Variants in KHSRP observed in about 807,000 individuals in gnomAD.
KHSRP encodes the protein far upstream element-binding protein 2.
Under a neutral mutation model 94.9 loss-of-function variants are expected in KHSRP, and 13 were observed. That is an observed-to-expected ratio of 0.14 (90% CI 0.09 to 0.22). The LOEUF (loss-of-function observed/expected upper bound fraction) is 0.22, where lower values mean the gene tolerates loss of function less well. KHSRP is among the 10% of genes least tolerant of loss of function. KHSRP has a pLI of 1.00. For synonymous variants in KHSRP, 495 were observed against 401.4 expected, an observed-to-expected ratio of 1.23 and a Z score of -2.79; for missense variants, 710 against 1,010.0, an observed-to-expected ratio of 0.70 and a Z score of 4.03.
chr19:6,423,338 G>A (rs1467824797), intron 1 of KHSRP, among the ~76,000 whole-genome samples: 4 of 152,182 alleles, frequency 2.6e-5, no homozygotes, highest in Admixed American at 6.5e-5. Flanking sequence ...TCTCAGACAC[G>A]TGAAGAGCAA....
Position 6,414,971 on chromosome 19 carries a change from C to A in KHSRP, c.*53G>T. The A allele has an allele frequency of 7.0e-7, 1 of 1,435,604 alleles. No individual in the cohort carries two copies. The highest frequency in any genetic ancestry group is 2.5e-5 in the East Asian group (1 of 39,950). 88.9% of individuals were successfully genotyped at this position (1,435,604 alleles called of 1,614,324 possible). ...CTGGACCCAGCGAATGCTTCCCTGG[C>A]GGTGCGTGGGGACTCCCGGAGACCT... is the stretch of plus-strand genomic sequence containing the variant. On this transcript the variant is annotated 3_prime_UTR_variant, in exon 19 of 19. Transcript: ENST00000600480.
At position 6,415,907 on chromosome 19, in the gene KHSRP, GAAGA is replaced by G. The variant is rs751094916; in HGVS notation, c.1599-15_1599-12del. The G allele has an allele frequency of 5.6e-5, 83 of 1,479,900 alleles. No individual in the cohort carries two copies. The highest frequency in any genetic ancestry group is 5.4e-4 in the East Asian group (23 of 42,284). 91.7% of individuals were successfully genotyped at this position (1,479,900 alleles called of 1,614,324 possible). ...GGGGGCCCCCCGGCACTGCAGGAGA[GAAGA>G]AAGGGATGCTTGAGCAGTGGTGCGG... is the stretch of plus-strand genomic sequence containing the variant. On this transcript the variant is annotated splice_polypyrimidine_tract_variant and intron_variant, in intron 15 of 18. Transcript: ENST00000600480.
rs2092131636 is a variant in KHSRP, at chr19:6,414,913, C to T, written c.*111G>A. The T allele has an allele frequency of 7.2e-7, 1 of 1,392,804 alleles. No individual in the cohort carries two copies. The highest frequency in any genetic ancestry group is 1.7e-5 in the South Asian group (1 of 59,820). 86.3% of individuals were successfully genotyped at this position (1,392,804 alleles called of 1,614,324 possible). ...CACGACAGCGGCACACAGGAACAAGCAGCCGGCGCAGGGAGGCCTCTTCGT... is the reference window on the plus strand; with the variant it reads ...CACGACAGCGGCACACAGGAACAAGTAGCCGGCGCAGGGAGGCCTCTTCGT... On this transcript the variant is annotated 3_prime_UTR_variant, in exon 19 of 19. Transcript: ENST00000600480.
In KHSRP at chr19:6,414,647, A is replaced by G. The variant is rs2092128430; in HGVS notation, c.*377T>C. 9.9e-7 allele frequency: 1 copy of G among 1,008,924 alleles called. No individual in the cohort carries two copies. Among genetic ancestry groups the G allele is most frequent in the Non-Finnish European group, 1.2e-6 (1 of 846,274 alleles). 62.5% of individuals were successfully genotyped at this position (1,008,924 alleles called of 1,614,324 possible). A position where few individuals can be genotyped will look rare whatever the true frequency, so the allele number is the denominator to read the frequency against. On this transcript the variant is annotated 3_prime_UTR_variant, in exon 19 of 19. Coordinates refer to ENST00000600480, the MANE Select transcript of KHSRP (RefSeq NM_001366299.1). ...CCCTGCCAGAGCCAGGCCGCCTGCA[A>G]CACAGTCACTTGGACACAGGAAAAA...
chr19:6,413,152 G>A lies in KHSRP; in HGVS notation c.*1872C>T, dbSNP rs1419695427. ...TTTAACAAAAAAAAAAAAGGGGGGG[G>A]GGCACGGTTAGGAAAGCACATTGAG... On this transcript the variant is annotated 3_prime_UTR_variant, in exon 19 of 19. Coordinates refer to ENST00000600480, the MANE Select transcript of KHSRP (RefSeq NM_001366299.1). 7.0e-6 allele frequency among the ~76,000 whole-genome samples: 1 copy of A among 141,888 alleles called. No individual in the cohort carries two copies. Among genetic ancestry groups the A allele is most frequent in the African/African-American group, 2.5e-5 (1 of 39,682 alleles). The allele number at this position is 141,888 out of a possible 152,430, so 93.1% of individuals were successfully genotyped here.
chr19:6,413,103 C>CT lies in KHSRP; in HGVS notation c.*1920dup, dbSNP rs1312549411. Among the ~76,000 whole-genome samples the CT allele has an allele frequency of 3.3e-5, 4 of 119,856 alleles. No individual in the cohort carries two copies. Among genetic ancestry groups the CT allele is most frequent in the Non-Finnish European group, 6.5e-5 (4 of 61,642 alleles). The allele number at this position is 119,856 out of a possible 152,430, so 78.6% of individuals were successfully genotyped here. On this transcript the variant is annotated 3_prime_UTR_variant, in exon 19 of 19. Coordinates refer to ENST00000600480, the MANE Select transcript of KHSRP (RefSeq NM_001366299.1). ...AACACAACTGCGGCCAGCACGCAGT[C>CT]TTTTTTAAACAAAAAGCACTTTATT...
intron 11 of KHSRP, among the ~76,000 whole-genome samples, chr19:6,417,370 G>A (rs924924508): frequency 1.3e-5 from 2 of 152,204 alleles, no homozygotes; most frequent in South Asian, 2.1e-4. Flanking sequence ...AAAGCCAGAG[G>A]GGCCCTTCTC....
intron 6 of KHSRP, among the ~76,000 whole-genome samples, chr19:6,419,644 AAAGG>A (rs2092183010): frequency 6.6e-6 from 1 of 152,204 alleles, no homozygotes; most frequent in Admixed American, 6.5e-5. Flanking sequence ...CTGAGATTCG[AAAGG>A]TAACTACATT....
At chr19:6,423,125 A>G (rs998109559) in intron 1 of KHSRP, among the ~76,000 whole-genome samples, 1 of 152,140 alleles carries the variant, frequency 6.6e-6, no homozygotes, top group Non-Finnish European at 1.5e-5. Context: ...CTAAAAATAC[A>G]AAAATTAGCT....
chr19:6,421,068 C>A (rs1173452212), intron 4 of KHSRP: 1 of 591,124 alleles, frequency 1.7e-6, no homozygotes, highest in Non-Finnish European at 3.0e-6. Context: ...GTGACTGCCA[C>A]GACGCTCCCC....
chr19:6,416,594 G>A lies in KHSRP; in HGVS notation c.1384C>T (p.Arg462Trp), dbSNP rs745535417. The change falls in exon 14 of 19, where the codon CGG becomes TGG. Residue 462 changes from arginine to tryptophan, a missense_variant. Transcript: ENST00000600480. The part of the protein sequence containing the change: ...QQTGAFVEIS[R>W]QLPPNGDPNF... ...GGGTCCCCGTTGGGTGGCAGCTGCC[G>A]GGAGATCTCTACGAAGGCTCCCGTC... The A allele has an allele frequency of 1.2e-6, 2 of 1,613,864 alleles. No homozygotes were observed. The highest frequency in any genetic ancestry group is 1.7e-6 in the Non-Finnish European group (2 of 1,179,774).
At position 6,416,515 on chromosome 19, in the gene KHSRP, T is replaced by C; in HGVS notation, c.1463A>G (p.Lys488Arg). Reference protein sequence around the residue: ...RGSPQQIDHAKQLIEEKIEGP... With the variant: ...RGSPQQIDHARQLIEEKIEGP... The stretch of plus-strand genomic sequence containing the variant: ...CTCGATCTTTTCCTCGATAAGCTGC[T>C]TGGCGTGGTCAATCTGCTGGGGTGA... The change falls in exon 14 of 19, where the codon AAG becomes AGG. Residue 488 changes from lysine (K) to arginine (R), a missense_variant. Lys to Arg is a conservative substitution (Grantham distance 26). Around this residue, in one of 5 missense-constraint regions of KHSRP, gnomAD observed 37 missense variants for 61.1 expected, o/e 0.61. Transcript: ENST00000600480. 1 of 1,613,540 alleles carries C rather than the reference T, an allele frequency of 6.2e-7. No homozygotes were observed. Among genetic ancestry groups the C allele is most frequent in the Non-Finnish European group, 8.5e-7 (1 of 1,179,680 alleles).
chr19:6,423,792 C>T (rs774287040), intron 1 of KHSRP, among the ~76,000 whole-genome samples: 1 of 152,218 alleles, frequency 6.6e-6, no homozygotes, highest in Non-Finnish European at 1.5e-5. Context: ...CTGGAGAGGT[C>T]AGTCCTAGCA....
At chr19:6,420,248 G>A in intron 5 of KHSRP, 104 bp from the exon 6 acceptor site, 5 of 1,183,358 alleles carry the variant, frequency 4.2e-6, no homozygotes, top group Non-Finnish European at 6.2e-6. Context: ...CGTTCAGGAG[G>A]GCAGCAGTCC....
At chr19:6,419,630 G>GT (rs2092182840) in intron 6 of KHSRP, among the ~76,000 whole-genome samples, 1 of 152,216 alleles carries the variant, frequency 6.6e-6, no homozygotes, top group African/African-American at 2.4e-5. Flanking sequence ...TGTAGCTCAG[G>GT]ACTCTGAGAT....
In KHSRP at chr19:6,414,211, T is replaced by TG. The variant is rs35196078; in HGVS notation, c.*812dup. 7.2e-4 allele frequency: 1,004 copies of TG among 1,389,492 alleles called. No individual in the cohort carries two copies. Among genetic ancestry groups the TG allele is most frequent in the South Asian group, 1.9e-3 (116 of 61,716 alleles). The allele number at this position is 1,389,492 out of a possible 1,614,324, so 86.1% of individuals were successfully genotyped here. ...GAAGAGAGGAGGGGCTGGAACACCG[T>TG]GGGGGGGGCCAGGAAGCCCCCTCCC... On this transcript the variant is annotated 3_prime_UTR_variant, in exon 19 of 19. Coordinates refer to ENST00000600480, the MANE Select transcript of KHSRP (RefSeq NM_001366299.1).
chr19:6,418,931 G>C lies in KHSRP; in HGVS notation c.606-55C>G, dbSNP rs964412123. 3 of 1,481,174 alleles carry C rather than the reference G, an allele frequency of 2.0e-6. No homozygotes were observed. Among genetic ancestry groups the C allele is most frequent in the African/African-American group, 2.8e-5 (2 of 71,142 alleles). The allele number at this position is 1,481,174 out of a possible 1,614,324, so 91.8% of individuals were successfully genotyped here. A position where few individuals can be genotyped will look rare whatever the true frequency, so the allele number is the denominator to read the frequency against. On this transcript the variant is annotated intron_variant, in intron 7 of 18. Transcript: ENST00000600480. This position sits in a 1 kb window ranked among gnomAD's most constrained non-coding sequence, Gnocchi z 4.3. ...GGTGCCACCGCTGGAGAAAGGTACT[G>C]GTCTGGTGGCCCACCCAGCTCAAAG...
chr19:6,420,211 G>C, intron 5 of KHSRP, 67 bp from the exon 6 acceptor site: 1 of 1,436,374 alleles, frequency 7.0e-7, no homozygotes, highest in Non-Finnish European at 9.7e-7. Context: ...TCAGGAGACT[G>C]TGTGGCCGGG....
At chr19:6,420,556 C>A (rs1254831447) in intron 4 of KHSRP, 85 bp from the exon 5 acceptor site, 1 of 1,222,984 alleles carries the variant, frequency 8.2e-7, no homozygotes, top group African/African-American at 1.5e-5. Context: ...AAGCCAAGGC[C>A]ACCATAGGTC....
Sources: gnomAD v4.1 joint callset for allele counts (sites outside exome capture counted in the v4.1 genomes callset) on GRCh38, gnomAD v4.1.1 for gene constraint, gnomAD v4.1.1 regional missense constraint, Gnocchi (gnomAD v3.1) non-coding constraint, MANE v1.5 for transcripts, NCBI Gene and HGNC (gene_info 2026-07-23, HGNC 2026-07-21) for gene names.